The following MAML2 variants were observed in gnomAD, a reference collection of about 807,000 sequenced individuals.
The protein encoded by MAML2 is mastermind-like protein 2.
A neutral mutation model predicts 96.1 loss-of-function variants in MAML2; 22 were observed. That is an observed-to-expected ratio of 0.23 (90% CI 0.16 to 0.33). MAML2 has a LOEUF of 0.33. Among genes scored for constraint, MAML2 ranks in the 10% least tolerant of loss-of-function variants. The pLI, the probability that MAML2 is intolerant of heterozygous loss-of-function variation, is 1.00. For missense variants in MAML2, 1,367 were observed against 1,392.4 expected, an observed-to-expected ratio of 0.98 and a Z score of 0.29; for synonymous variants, 561 against 521.3, an observed-to-expected ratio of 1.08 and a Z score of -1.04.
At chr11:96,243,020 C>T (rs1042628587) in intron 1 of MAML2, among the ~76,000 whole-genome samples, 2 of 151,770 alleles carry the variant, frequency 1.3e-5, no homozygotes, top group Admixed American at 6.6e-5. Flanking sequence ...TAAACATCTG[C>T]TTCTCCAGTT....
intron 2 of MAML2, among the ~76,000 whole-genome samples, chr11:96,011,619 A>G (rs182587993): frequency 6.6e-6 from 1 of 152,278 alleles, no homozygotes; most frequent in African/African-American, 2.4e-5. Flanking sequence ...ATTGGGTACT[A>G]TGTTCACTAT....
At chr11:96,000,839 A>G (rs1858068180) in intron 2 of MAML2, among the ~76,000 whole-genome samples, 1 of 152,250 alleles carries the variant, frequency 6.6e-6, no homozygotes, top group South Asian at 2.1e-4. Context: ...ATTAAGAAGA[A>G]ATAAACAGAA....
chr11:96,076,122 C>T (rs192688883), intron 2 of MAML2, among the ~76,000 whole-genome samples: 4 of 152,296 alleles, frequency 2.6e-5, no homozygotes, highest in African/African-American at 9.6e-5. Context: ...TGCCTTTTGC[C>T]AAGAGGTGTG....
At chr11:96,082,113 T>C (rs1859537182) in intron 2 of MAML2, among the ~76,000 whole-genome samples, 1 of 152,158 alleles carries the variant, frequency 6.6e-6, no homozygotes, top group Non-Finnish European at 1.5e-5. Context: ...CAAAGATCAA[T>C]TACATACAGA....
intron 1 of MAML2, among the ~76,000 whole-genome samples, chr11:96,209,860 A>C (rs1442155304): frequency 6.6e-6 from 1 of 152,218 alleles, no homozygotes; most frequent in Admixed American, 6.5e-5. Context: ...ATAGACCTCA[A>C]TATCTCCCAC....
chr11:96,230,434 C>A (rs1381774712), intron 1 of MAML2, among the ~76,000 whole-genome samples: 1 of 152,068 alleles, frequency 6.6e-6, no homozygotes, highest in Non-Finnish European at 1.5e-5. Context: ...ATGATTTATA[C>A]ACAGTGCTTT....
rs373545610 is a variant in MAML2 at position 96,194,768 on chromosome 11, A to G, written c.514-101251T>C. ...GGCTCCTTTCCCTTTCTTTATTCTCAGGAAGAAAAGGCACCACCGAAGGGA... is the reference window on the plus strand; with the variant it reads ...GGCTCCTTTCCCTTTCTTTATTCTCGGGAAGAAAAGGCACCACCGAAGGGA... On this transcript the variant is annotated intron_variant, in intron 1 of 4. Coordinates refer to ENST00000524717, the MANE Select transcript of MAML2 (RefSeq NM_032427.4). Among the ~76,000 whole-genome samples, 7 of 150,794 alleles carry G rather than the reference A, an allele frequency of 4.6e-5. No individual in the cohort carries two copies. In the East Asian group the frequency reaches 5.8e-4, roughly 12 times the overall value.
intron 2 of MAML2, among the ~76,000 whole-genome samples, chr11:95,998,503 T>G (rs1858033865): frequency 6.6e-6 from 1 of 152,110 alleles, no homozygotes; most frequent in Non-Finnish European, 1.5e-5. Context: ...ATGGAGATAA[T>G]TTGGACACAG....
intron 3 of MAML2, among the ~76,000 whole-genome samples, 191 bp downstream of exon 3, chr11:95,991,329 C>T (rs1489616887): frequency 1.7e-5 from 2 of 114,640 alleles, no homozygotes; most frequent in Non-Finnish European, 3.5e-5. Context: ...AAGTGTCCAG[C>T]AGTTGTTAAA....
At chr11:96,328,986 A>G (rs973299658) in intron 1 of MAML2, among the ~76,000 whole-genome samples, 1 of 152,232 alleles carries the variant, frequency 6.6e-6, no homozygotes, top group African/African-American at 2.4e-5. Flanking sequence ...TGTTATGTAT[A>G]TATGAGAAAT....
At chr11:96,074,268 G>T (rs1266274553) in intron 2 of MAML2, among the ~76,000 whole-genome samples, 1 of 152,202 alleles carries the variant, frequency 6.6e-6, no homozygotes, top group African/African-American at 2.4e-5. Context: ...CACTGATGCC[G>T]TGTGGCTTTC....
intron 1 of MAML2, among the ~76,000 whole-genome samples, chr11:96,267,359 C>T (rs933454366): frequency 1.3e-5 from 2 of 152,050 alleles, no homozygotes; most frequent in Admixed American, 6.5e-5. Context: ...ATGCTTAATT[C>T]GGCCAACACA....
At chr11:96,278,879 G>T (rs893923034) in intron 1 of MAML2, among the ~76,000 whole-genome samples, 1 of 152,178 alleles carries the variant, frequency 6.6e-6, no homozygotes, top group African/African-American at 2.4e-5. Context: ...TAACTGCGGG[G>T]GGTATGTCTA....
intron 1 of MAML2, among the ~76,000 whole-genome samples, chr11:96,172,376 G>C (rs117528849): frequency 6.6e-6 from 1 of 152,196 alleles, no homozygotes; most frequent in Admixed American, 6.5e-5. Context: ...GGTGTTCAGA[G>C]AGTCTCCTTC....
intron 2 of MAML2, among the ~76,000 whole-genome samples, chr11:96,030,710 G>A (rs1337494304): frequency 6.6e-6 from 1 of 152,156 alleles, no homozygotes; most frequent in Non-Finnish European, 1.5e-5. Flanking sequence ...CCAGAGGAAG[G>A]CAGTGACCAT....
intron 2 of MAML2, among the ~76,000 whole-genome samples, chr11:96,088,889 A>T (rs761021708): frequency 1.3e-5 from 2 of 152,154 alleles, no homozygotes; most frequent in Non-Finnish European, 2.9e-5. Context: ...CGACAGGTAA[A>T]GGGAAGGTCA....
At chr11:96,044,847 T>C (rs570021591) in intron 2 of MAML2, among the ~76,000 whole-genome samples, 2 of 152,352 alleles carry the variant, frequency 1.3e-5, no homozygotes, top group South Asian at 4.1e-4. Context: ...GGTATTTTTG[T>C]CTTCATCCAT....
At chr11:96,083,090 G>T (rs928633041) in intron 2 of MAML2, among the ~76,000 whole-genome samples, 1 of 152,210 alleles carries the variant, frequency 6.6e-6, no homozygotes, top group African/African-American at 2.4e-5. Context: ...GGCACGTGGG[G>T]TGCAAGGGAG....
intron 1 of MAML2, among the ~76,000 whole-genome samples, chr11:96,290,887 C>T (rs1465398217): frequency 6.6e-6 from 1 of 151,994 alleles, no homozygotes; most frequent in Non-Finnish European, 1.5e-5. Context: ...TAGTCTTTGG[C>T]TGTTGGGTTT....
Sources: allele counts gnomAD v4.1 joint callset (sites outside exome capture counted in the v4.1 genomes callset), GRCh38; gene constraint gnomAD v4.1.1; transcripts MANE v1.5; gene names NCBI Gene and HGNC (gene_info 2026-07-23, HGNC 2026-07-21).